TNS3: variants seen among roughly 807,000 people sequenced by gnomAD.
The protein encoded by TNS3 is tensin-3.
TNS3 carries 45 observed loss-of-function variants against 140.9 expected under a neutral mutation model. The observed-to-expected ratio is 0.32, with a 90% confidence interval of 0.25 to 0.41. The LOEUF (loss-of-function observed/expected upper bound fraction) is 0.41, where lower values mean the gene tolerates loss of function less well. TNS3 is among the 10% of genes least tolerant of loss of function. TNS3 has a pLI of 1.00. For synonymous variants in TNS3, 815 were observed against 788.4 expected (o/e 1.03, Z -0.56); for missense variants, 1,716 against 1,906.7 (o/e 0.90, Z 1.86).
intron 20 of TNS3, among the ~76,000 whole-genome samples, chr7:47,340,484 T>G (rs999495698): frequency 6.6e-6 from 1 of 152,028 alleles, no homozygotes; most frequent in Admixed American, 6.6e-5. Context: ...ATAGAACTAG[T>G]TTTTGTGTGT....
intron 2 of TNS3, among the ~76,000 whole-genome samples, chr7:47,525,033 A>T (rs543505730): frequency 3.3e-5 from 5 of 152,286 alleles, no homozygotes; most frequent in East Asian, 3.9e-4. Flanking sequence ...ACTGACCAAA[A>T]ATCTATTTCA....
intron 1 of TNS3, among the ~76,000 whole-genome samples, chr7:47,546,569 T>C (rs1799926840): frequency 6.6e-6 from 1 of 152,210 alleles, no homozygotes; most frequent in South Asian, 2.1e-4. Flanking sequence ...TGTATTGCTC[T>C]TATAATTTTT....
chr7:47,464,821 C>T (rs941324880), intron 4 of TNS3, among the ~76,000 whole-genome samples: 1 of 152,150 alleles, frequency 6.6e-6, no homozygotes, highest in Non-Finnish European at 1.5e-5. Flanking sequence ...TCCCAATCAC[C>T]CTAAGAAGGA....
chr7:47,339,627 C>T (rs1318364954), intron 20 of TNS3, among the ~76,000 whole-genome samples: 1 of 152,174 alleles, frequency 6.6e-6, no homozygotes, highest in Non-Finnish European at 1.5e-5. Context: ...AACCTCATTC[C>T]TTCCACTTAA....
intron 4 of TNS3, among the ~76,000 whole-genome samples, chr7:47,472,401 T>C (rs1285649186): frequency 6.6e-6 from 1 of 152,216 alleles, no homozygotes; most frequent in African/African-American, 2.4e-5. Flanking sequence ...CCTGCAAGGC[T>C]AGGTGTCAGT....
At chr7:47,397,573 A>T (rs1368102307) in intron 15 of TNS3, among the ~76,000 whole-genome samples, 1 of 152,222 alleles carries the variant, frequency 6.6e-6, no homozygotes, top group Non-Finnish European at 1.5e-5. Context: ...TCTTTTTAAA[A>T]TGCTGGTTAC....
intron 30 of TNS3, 71 bp from the exon 31 acceptor site, chr7:47,278,291 C>T (rs1403428706): frequency 6.5e-7 from 1 of 1,532,010 alleles, no homozygotes; most frequent in Non-Finnish European, 8.8e-7. Flanking sequence ...CCTCCAGCTG[C>T]CAGCGGCACT....
intron 20 of TNS3, among the ~76,000 whole-genome samples, chr7:47,311,308 G>C (rs1026672028): frequency 7.2e-5 from 11 of 152,126 alleles, no homozygotes; most frequent in African/African-American, 2.4e-4. Flanking sequence ...TAATGTAAAT[G>C]ACGAGTTAAT....
rs375081906 is a variant in TNS3, at chr7:47,369,432, G to A, written c.1214C>T (p.Thr405Met). 28 of 1,614,144 alleles carry A rather than the reference G, an allele frequency of 1.7e-5. No homozygotes were observed. Among genetic ancestry groups the A allele is most frequent in the South Asian group, 8.8e-5 (8 of 91,082 alleles). The change falls in exon 17 of 31, where the codon ACG becomes ATG. Residue 405 changes from threonine to methionine, a missense_variant. By Grantham distance (81) the Thr-to-Met change is moderately conservative (BLOSUM62 -1). Around this residue, in one of 3 missense-constraint regions of TNS3, gnomAD observed 1,163 missense variants for 1,182.1 expected, o/e 0.98. Coordinates refer to ENST00000311160, the MANE Select transcript of TNS3 (RefSeq NM_022748.12). ...GGTTCCTGGGGCCAGGCGCTCTTCC[G>A]TCTTATCCGTCCTGGCAGAGGCTGT... is the stretch of plus-strand genomic sequence containing the variant. ...HSTASARTDK[T>M]EERLAPGTRR...
rs1251196192 is a variant in TNS3 at position 47,275,535 on chromosome 7, C to T, written c.*2541G>A. 1 of 316,398 alleles carries T rather than the reference C, an allele frequency of 3.2e-6. No homozygotes were observed. Among genetic ancestry groups the T allele is most frequent in the Non-Finnish European group, 6.2e-6 (1 of 161,978 alleles). 19.6% of individuals were successfully genotyped at this position (316,398 alleles called of 1,614,324 possible). On this transcript the variant is annotated 3_prime_UTR_variant, in exon 31 of 31. Coordinates refer to ENST00000311160, the MANE Select transcript of TNS3 (RefSeq NM_022748.12). ...TGGAGACAAAATGCCTGGAAACGTT[C>T]CTTTTCCTGTGGCCCTAGAGCCGGT...
At chr7:47,365,086 C>T (rs977045092) in intron 17 of TNS3, among the ~76,000 whole-genome samples, 1 of 152,174 alleles carries the variant, frequency 6.6e-6, no homozygotes, top group African/African-American at 2.4e-5. Flanking sequence ...AGTCCTTAGA[C>T]TTCAAAATGA....
chr7:47,476,543 T>G (rs1448177940), intron 4 of TNS3, among the ~76,000 whole-genome samples: 1 of 152,172 alleles, frequency 6.6e-6, no homozygotes, highest in African/African-American at 2.4e-5. Flanking sequence ...CAATTGTCCC[T>G]TTATAGTTCT....
chr7:47,432,662 G>A (rs149361632), intron 8 of TNS3, among the ~76,000 whole-genome samples: 7 of 152,336 alleles, frequency 4.6e-5, no homozygotes, highest in African/African-American at 1.7e-4. Context: ...AGGCTGCAAG[G>A]TCTTGTTTCA....
chr7:47,470,487 C>T, intron 4 of TNS3: 2 of 985,454 alleles, frequency 2.0e-6, no homozygotes, highest in Non-Finnish European at 2.4e-6. Flanking sequence ...TCAGACTTGG[C>T]AGCATTCATT....
chr7:47,570,483 A>C (rs756882186), intron 1 of TNS3, among the ~76,000 whole-genome samples: 7 of 152,278 alleles, frequency 4.6e-5, no homozygotes, highest in Admixed American at 6.5e-5. Context: ...TCAAGTCTGT[A>C]AGATGAGTTG....
In TNS3 at chr7:47,306,549, G is replaced by A. The variant is rs117754011; in HGVS notation, c.2651-1546C>T. 1.2e-4 allele frequency among the ~76,000 whole-genome samples: 19 copies of A among 152,094 alleles called. No individual in the cohort carries two copies. In the East Asian group the frequency reaches 3.5e-3, roughly 28 times the overall value. ...AAAAATTACTATTTTTATTTAGCAC[G>A]AATTCTTTTCCTAAGGAAACCTTAG... is the stretch of plus-strand genomic sequence containing the variant. On this transcript the variant is annotated intron_variant, in intron 20 of 30. Transcript: ENST00000311160.
intron 20 of TNS3, among the ~76,000 whole-genome samples, chr7:47,320,791 C>T (rs1787690843): frequency 6.6e-6 from 1 of 152,188 alleles, no homozygotes; most frequent in South Asian, 2.1e-4. Context: ...GAGGGAGTCA[C>T]AATTCAGCCT....
intron 3 of TNS3, among the ~76,000 whole-genome samples, chr7:47,503,576 T>A (rs184850066): frequency 1.7e-4 from 19 of 111,436 alleles, no homozygotes; most frequent in African/African-American, 6.1e-4. Context: ...TGTACATACA[T>A]TATGTGACTT....
intron 20 of TNS3, among the ~76,000 whole-genome samples, chr7:47,329,426 C>T (rs575576152): frequency 6.6e-5 from 10 of 152,262 alleles, no homozygotes; most frequent in South Asian, 2.1e-4. Flanking sequence ...AGCCATTGGC[C>T]GGTCCAGCCC....
Sources: gnomAD v4.1 joint callset for allele counts (sites outside exome capture counted in the v4.1 genomes callset) on GRCh38, gnomAD v4.1.1 for gene constraint, gnomAD v4.1.1 regional missense constraint, MANE v1.5 for transcripts, NCBI Gene and HGNC (gene_info 2026-07-23, HGNC 2026-07-21) for gene names.